WDFY3: variants seen among roughly 807,000 people sequenced by gnomAD.
WDFY3 encodes WD repeat and FYVE domain-containing protein 3.
WDFY3 carries 66 observed loss-of-function variants against 409.6 expected under a neutral mutation model. The observed-to-expected ratio is 0.16, with a 90% CI of 0.13 to 0.20. The LOEUF (loss-of-function observed/expected upper bound fraction) is 0.20, where lower values mean the gene tolerates loss of function less well. WDFY3 is among the 10% of genes least tolerant of loss of function. The probability of loss-of-function intolerance (pLI) is 1.00; values close to 1 mark genes in which losing one functional copy is unlikely to be tolerated. For synonymous variants in WDFY3, 1,521 were observed against 1,537.1 expected (o/e 0.99, Z 0.25); for missense variants, 3,031 against 4,298.1 (o/e 0.71, Z 8.24).
At chr4:84,697,673 T>C (rs952765815) in intron 56 of WDFY3, among the ~76,000 whole-genome samples, 6 of 152,218 alleles carry the variant, frequency 3.9e-5, no homozygotes, top group Non-Finnish European at 5.9e-5. Flanking sequence ...AAAGTCACTT[T>C]AGCTTACAGA....
At chr4:84,879,445 T>G (rs937491729) in intron 3 of WDFY3, 4 of 152,174 alleles carry the variant, frequency 2.6e-5, no homozygotes, top group African/African-American at 9.7e-5. Context: ...AGCTCTACTT[T>G]CAGCAGCTTA....
intron 4 of WDFY3, among the ~76,000 whole-genome samples, chr4:84,855,355 A>C (rs777600199): frequency 3.7e-4 from 56 of 152,188 alleles, no homozygotes; most frequent in Admixed American, 1.8e-3. Context: ...TAAACTGTGC[A>C]TAGTGTTCAT....
chr4:84,837,883 T>C (rs1578751869), intron 6 of WDFY3, among the ~76,000 whole-genome samples: 1 of 152,150 alleles, frequency 6.6e-6, no homozygotes, highest in African/African-American at 2.4e-5. Flanking sequence ...GAGCTGGGCA[T>C]GCAAAGACGA....
intron 48 of WDFY3, among the ~76,000 whole-genome samples, chr4:84,717,876 G>T (rs1338326796): frequency 6.6e-6 from 1 of 151,844 alleles, no homozygotes; most frequent in Non-Finnish European, 1.5e-5. Flanking sequence ...GTGAAACTCT[G>T]TCTCTACTAA....
intron 64 of WDFY3, among the ~76,000 whole-genome samples, 191 bp from the exon 65 acceptor site, chr4:84,679,433 C>T (rs376240427): frequency 2.7e-4 from 41 of 152,076 alleles, no homozygotes; most frequent in African/African-American, 8.0e-4. Context: ...ATAAAAAAGT[C>T]GAATTTCTGA....
chr4:84,893,324 A>G (rs970977069), intron 3 of WDFY3, among the ~76,000 whole-genome samples: 1 of 152,158 alleles, frequency 6.6e-6, no homozygotes, highest in African/African-American at 2.4e-5. Flanking sequence ...CTGTGTTTAA[A>G]ATCTATAGAT....
chr4:84,831,378 A>T (rs753430315), intron 8 of WDFY3, 35 bp downstream of exon 8: 1 of 1,371,538 alleles, frequency 7.3e-7, no homozygotes, highest in Admixed American at 2.6e-5. Flanking sequence ...AGTGGAAGAA[A>T]TTTAGAACAC....
chr4:84,955,034 G>A (rs909773329), intron 1 of WDFY3, among the ~76,000 whole-genome samples: 4 of 151,992 alleles, frequency 2.6e-5, no homozygotes, highest in East Asian at 1.9e-4. Flanking sequence ...GCAAAACTCC[G>A]TCTTTGCAAA....
In WDFY3 at chr4:84,829,078, G is replaced by T. The variant is rs1472548658; in HGVS notation, c.882C>A (p.Ser294Arg). 1.9e-6 allele frequency: 3 copies of T among 1,613,578 alleles called. No individual in the cohort carries two copies. Among genetic ancestry groups the T allele is most frequent in the Non-Finnish European group, 2.5e-6 (3 of 1,179,792 alleles). ...AGLSCFLKDS[S>R]DVSQTLLDDF... is the part of the protein sequence containing the mutation. ...CATCCAGAAGTGTTTGGGAAACATC[G>T]CTGGAATCTTTGAGGAAACAAGAAA... The change falls in exon 9 of 68, where the codon AGC becomes AGA. Residue 294 changes from serine to arginine, a missense_variant. Physicochemically the swap from Ser to Arg is moderately radical, Grantham distance 110. This residue lies in a region of WDFY3 where 1,322 missense variants were observed against 1,697.9 expected (regional missense o/e 0.78). Coordinates refer to ENST00000295888, the MANE Select transcript of WDFY3 (RefSeq NM_014991.6).
At chr4:84,797,755 T>C (rs1024091511) in intron 18 of WDFY3, among the ~76,000 whole-genome samples, 5 of 151,972 alleles carry the variant, frequency 3.3e-5, no homozygotes, top group Admixed American at 2.6e-4. Context: ...TAATTTTTTT[T>C]GTATTTTTTA....
chr4:84,959,069 TC>T (rs2151186669), intron 1 of WDFY3, among the ~76,000 whole-genome samples: 2 of 152,272 alleles, frequency 1.3e-5, no homozygotes, highest in South Asian at 4.2e-4. Context: ...TGTTATCTAC[TC>T]CCCTCACCAC....
At chr4:84,674,203 C>T (rs1455286312) in intron 67 of WDFY3, among the ~76,000 whole-genome samples, 3 of 152,146 alleles carry the variant, frequency 2.0e-5, no homozygotes, top group Admixed American at 2.0e-4. Flanking sequence ...TATATTTAAA[C>T]AATATTTTGA....
chr4:84,725,637 C>T (rs1735528723), intron 45 of WDFY3, among the ~76,000 whole-genome samples: 1 of 152,096 alleles, frequency 6.6e-6, no homozygotes, highest in African/African-American at 2.4e-5. Flanking sequence ...AAACCTTCCC[C>T]TTCTAAATAT....
At chr4:84,860,929 C>T (rs571997806) in intron 3 of WDFY3, among the ~76,000 whole-genome samples, 22 of 152,060 alleles carry the variant, frequency 1.4e-4, no homozygotes, top group African/African-American at 3.1e-4. Flanking sequence ...AAAATAAAGG[C>T]GCCGGGAATA....
chr4:84,738,951 C>T (rs1737937334), intron 40 of WDFY3, 59 bp downstream of exon 40: 1 of 1,582,350 alleles, frequency 6.3e-7, no homozygotes, highest in Non-Finnish European at 8.7e-7. Flanking sequence ...TTGGTTATGT[C>T]TTAAAAACTG....
chr4:84,850,120 C>CATA, intron 4 of WDFY3, 95 bp from the exon 5 acceptor site: 1 of 1,370,440 alleles, frequency 7.3e-7, no homozygotes, highest in Non-Finnish European at 9.8e-7. Flanking sequence ...AAAATCAAGT[C>CATA]CAGAAAAGTC....
At chr4:84,746,145 CAA>C (rs761664622) in intron 36 of WDFY3, among the ~76,000 whole-genome samples, 16 of 60,634 alleles carry the variant, frequency 2.6e-4, no homozygotes, top group Admixed American at 3.8e-4. Flanking sequence ...CTGTCTCTAC[CAA>C]AAAAAAAAAA....
intron 44 of WDFY3, among the ~76,000 whole-genome samples, chr4:84,727,328 T>C (rs974350029): frequency 1.3e-5 from 2 of 152,166 alleles, no homozygotes; most frequent in Non-Finnish European, 2.9e-5. Flanking sequence ...CCTGGGGTTA[T>C]CCCTAAATCT....
intron 8 of WDFY3, among the ~76,000 whole-genome samples, chr4:84,831,166 G>A (rs1469226460): frequency 5.3e-5 from 7 of 132,194 alleles, no homozygotes; most frequent in South Asian, 2.5e-4. Flanking sequence ...CAGCCTGGGC[G>A]ACAGAGTGAG....
Sources: gnomAD v4.1 joint callset for allele counts (sites outside exome capture counted in the v4.1 genomes callset) on GRCh38, gnomAD v4.1.1 for gene constraint, gnomAD v4.1.1 regional missense constraint, MANE v1.5 for transcripts, NCBI Gene and HGNC (gene_info 2026-07-23, HGNC 2026-07-21) for gene names.